Variants in UGT1A8 observed in about 807,000 individuals in gnomAD.
UGT1A8 encodes UDP-glucuronosyltransferase 1A8.
Under a neutral mutation model 45.3 loss-of-function variants are expected in UGT1A8, and 39 were observed. That is an observed-to-expected ratio of 0.86 (90% CI 0.67 to 1.12). UGT1A8 has a LOEUF of 1.12. Ranked by LOEUF, UGT1A8 falls within the 50% of genes most tolerant of loss-of-function variation. The pLI is 0.00. For synonymous variants in UGT1A8, 275 were observed against 249.2 expected (o/e 1.10, Z -0.97); for missense variants, 719 against 664.9 (o/e 1.08, Z -0.90).
At chr2:233,660,670 G>A (rs1399570651) in intron 1 of UGT1A8, among the ~76,000 whole-genome samples, 3 of 152,186 alleles carry the variant, frequency 2.0e-5, no homozygotes, top group African/African-American at 7.2e-5. Flanking sequence ...AGACGACAGA[G>A]TTAGTCTATC....
chr2:233,715,994 A>C (rs976183332), intron 1 of UGT1A8, among the ~76,000 whole-genome samples: 1 of 152,088 alleles, frequency 6.6e-6, no homozygotes, highest in African/African-American at 2.4e-5. Context: ...ACACAACAAA[A>C]CCCAAAATGA....
chr2:233,762,295 C>T (rs898920191), intron 1 of UGT1A8, among the ~76,000 whole-genome samples: 2 of 152,172 alleles, frequency 1.3e-5, no homozygotes, highest in South Asian at 2.1e-4. Context: ...AGGTGCCAAC[C>T]GAGGTCTAGT....
chr2:233,659,758 A>G (rs1055957664), intron 1 of UGT1A8, among the ~76,000 whole-genome samples: 12 of 152,162 alleles, frequency 7.9e-5, no homozygotes, highest in Admixed American at 6.5e-4. Context: ...CTTCTTCACC[A>G]TTTGCTTTAG....
chr2:233,725,967 A>G (rs2077486962), intron 1 of UGT1A8, among the ~76,000 whole-genome samples: 1 of 152,078 alleles, frequency 6.6e-6, no homozygotes, highest in Non-Finnish European at 1.5e-5. Flanking sequence ...GGAGTCTGAG[A>G]GCAGCCTGGG....
intron 1 of UGT1A8, among the ~76,000 whole-genome samples, chr2:233,698,591 A>G (rs2075449213): frequency 6.6e-6 from 1 of 152,214 alleles, no homozygotes; most frequent in Non-Finnish European, 1.5e-5. Context: ...ATAATCCAAG[A>G]AATTCGGATT....
intron 1 of UGT1A8, among the ~76,000 whole-genome samples, chr2:233,677,432 C>T (rs756650516): frequency 6.6e-6 from 1 of 152,048 alleles, no homozygotes; most frequent in African/African-American, 2.4e-5. Flanking sequence ...TACTAATAGC[C>T]AACTGTTTAC....
At chr2:233,620,323 A>G (rs757052996) in intron 1 of UGT1A8, among the ~76,000 whole-genome samples, 22 of 152,240 alleles carry the variant, frequency 1.4e-4, no homozygotes, top group Admixed American at 3.3e-4. Context: ...TTTTCTCCTC[A>G]TTATCCTCCA....
intron 1 of UGT1A8, among the ~76,000 whole-genome samples, chr2:233,754,083 T>G (rs950704601): frequency 2.0e-5 from 3 of 152,238 alleles, no homozygotes; most frequent in Non-Finnish European, 4.4e-5. Flanking sequence ...TAACCTTTTA[T>G]CTAAATAATG....
intron 1 of UGT1A8, chr2:233,672,274 A>G: frequency 6.2e-7 from 1 of 1,614,062 alleles, no homozygotes; most frequent in Non-Finnish European, 8.5e-7. Context: ...GGGTTCATAC[A>G]ATGACATTTT....
intron 1 of UGT1A8, among the ~76,000 whole-genome samples, chr2:233,676,749 C>G (rs2074369956): frequency 6.6e-6 from 1 of 152,106 alleles, no homozygotes; most frequent in African/African-American, 2.4e-5. Flanking sequence ...CGTGGTAAAA[C>G]TGGGTTTATA....
chr2:233,743,342 T>C, intron 1 of UGT1A8: 7 of 858,096 alleles, frequency 8.2e-6, no homozygotes, highest in Non-Finnish European at 1.0e-5. Context: ...TCAGTGGAAG[T>C]CGACATGGAC....
chr2:233,671,700 A>C, intron 1 of UGT1A8: 2 of 552,150 alleles, frequency 3.6e-6, no homozygotes. Flanking sequence ...TCTGCCCCCA[A>C]GGCAAAGACC....
At chr2:233,671,710 C>G in intron 1 of UGT1A8, 1 of 970,568 alleles carries the variant, frequency 1.0e-6, no homozygotes, top group Non-Finnish European at 1.4e-6. Flanking sequence ...AGGCAAAGAC[C>G]ATAAGCTACT....
chr2:233,733,687 G>A (rs906292331), intron 1 of UGT1A8, among the ~76,000 whole-genome samples: 3 of 152,194 alleles, frequency 2.0e-5, no homozygotes, highest in African/African-American at 7.2e-5. Context: ...ACTTTTTGAT[G>A]TGCTGCTGGA....
At chr2:233,672,980 A>G (rs570436963) in intron 1 of UGT1A8, among the ~76,000 whole-genome samples, 1 of 152,300 alleles carries the variant, frequency 6.6e-6, no homozygotes, top group African/African-American at 2.4e-5. Context: ...TCTTGAAGAT[A>G]TGTATTTATA....
rs781661199 is a variant in UGT1A8, at chr2:233,681,954, G to C, written c.855+63392G>C. The C allele has an allele frequency of 3.7e-6, 6 of 1,613,888 alleles. No individual in the cohort carries two copies. The Admixed American group carries it at 6.7e-5, about 18-fold the overall frequency. On this transcript the variant is annotated intron_variant, in intron 1 of 4. Coordinates refer to ENST00000373450, the MANE Select transcript of UGT1A8 (RefSeq NM_019076.5). ...AGTTCTCTGATGGCTCGTGCAGGGT[G>C]GACTGGCCTCCTTCCCCTATATGTG... is the stretch of plus-strand genomic sequence containing the variant.
At chr2:233,710,646 T>C (rs1403347719) in intron 1 of UGT1A8, among the ~76,000 whole-genome samples, 1 of 152,250 alleles carries the variant, frequency 6.6e-6, no homozygotes, top group Non-Finnish European at 1.5e-5. Context: ...TTACATATTC[T>C]GGATACAAGT....
chr2:233,771,498 A>G (rs1006234323), intron 4 of UGT1A8: 3 of 152,314 alleles, frequency 2.0e-5, no homozygotes, highest in Non-Finnish European at 4.4e-5. Flanking sequence ...TAATGTTTCA[A>G]TGACTGAATT....
intron 1 of UGT1A8, chr2:233,681,963 T>C: frequency 6.2e-7 from 1 of 1,614,084 alleles, no homozygotes; most frequent in South Asian, 1.1e-5. Flanking sequence ...TGGACTGGCC[T>C]CCTTCCCCTA....
Sources: allele counts gnomAD v4.1 joint callset (sites outside exome capture counted in the v4.1 genomes callset), GRCh38; gene constraint gnomAD v4.1.1; transcripts MANE v1.5; gene names NCBI Gene and HGNC (gene_info 2026-07-23, HGNC 2026-07-21).